Variants in NPAS3 observed in about 807,000 individuals in gnomAD.
NPAS3 encodes the protein neuronal PAS domain-containing protein 3.
A neutral mutation model predicts 73.1 loss-of-function variants in NPAS3; 14 were observed. That is an observed-to-expected ratio of 0.19 (90% confidence interval 0.13 to 0.30). NPAS3 has a LOEUF of 0.30. Ranked by LOEUF, NPAS3 falls within the 10% of genes least tolerant of loss-of-function variation. The probability of loss-of-function intolerance (pLI) is 1.00; values close to 1 mark genes in which losing one functional copy is unlikely to be tolerated. For synonymous variants in NPAS3, 620 were observed against 541.5 expected (o/e 1.14, Z -2.01); for missense variants, 1,096 against 1,250.0 (o/e 0.88, Z 1.86).
At chr14:33,269,592 A>G (rs999674039) in intron 3 of NPAS3, among the ~76,000 whole-genome samples, 8 of 152,186 alleles carry the variant, frequency 5.3e-5, no homozygotes, top group Admixed American at 2.0e-4. Flanking sequence ...TCTTGGCTCA[A>G]ATAATTAGTT....
At chr14:33,639,275 G>C (rs1406240482) in intron 5 of NPAS3, among the ~76,000 whole-genome samples, 1 of 152,100 alleles carries the variant, frequency 6.6e-6, no homozygotes, top group African/African-American at 2.4e-5. Flanking sequence ...ACACACTCCT[G>C]TCTGGATTGG....
At chr14:32,939,659 G>C (rs1595048034) in intron 1 of NPAS3, among the ~76,000 whole-genome samples, 1 of 148,428 alleles carries the variant, frequency 6.7e-6, no homozygotes, top group Admixed American at 6.7e-5. Flanking sequence ...AAACAGAAAA[G>C]AGAAAAAGAA....
intron 1 of NPAS3, among the ~76,000 whole-genome samples, chr14:32,950,341 A>G (rs2036431580): frequency 2.0e-5 from 3 of 152,132 alleles, no homozygotes; most frequent in African/African-American, 2.4e-5. Context: ...CTGAATTACA[A>G]AAGTATAATG....
intron 2 of NPAS3, among the ~76,000 whole-genome samples, chr14:33,153,452 C>G (rs780667535): frequency 2.6e-5 from 4 of 152,090 alleles, no homozygotes; most frequent in Non-Finnish European, 5.9e-5. Flanking sequence ...CTTCCAATTT[C>G]TCATTTGGAG....
chr14:33,006,770 G>A (rs1292082616), intron 1 of NPAS3, among the ~76,000 whole-genome samples: 1 of 152,136 alleles, frequency 6.6e-6, no homozygotes, highest in African/African-American at 2.4e-5. Flanking sequence ...TTCATAATGA[G>A]AAATGTTGAA....
chr14:33,544,789 T>TATATATATATATATATATATAC lies in NPAS3; in HGVS notation c.469-15311_469-15310insCATATATATATATATATATATA, dbSNP rs1555409901. Among the ~76,000 whole-genome samples the TATATATATATATATATATATAC allele has an allele frequency of 1.8e-3, 136 of 77,652 alleles. 2 individuals carry two copies. Among genetic ancestry groups the TATATATATATATATATATATAC allele is most frequent in the African/African-American group, 8.2e-3 (121 of 14,734 alleles). The allele number at this position is 77,652 out of a possible 152,430, so 50.9% of individuals were successfully genotyped here. A position where few individuals can be genotyped will look rare whatever the true frequency, so the allele number is the denominator to read the frequency against. On this transcript the variant is annotated intron_variant, in intron 4 of 11. Coordinates refer to ENST00000356141, the Ensembl canonical transcript of NPAS3. ...CATGTATGTGTTTATGTGTGTGTATTATATATATATATATATATATATGTA... is the reference window on the plus strand; with the variant it reads ...CATGTATGTGTTTATGTGTGTGTATTATATATATATATATATATATACATATATATATATATATATATATGTA...
intron 4 of NPAS3, among the ~76,000 whole-genome samples, chr14:33,549,508 A>G (rs1181695935): frequency 1.3e-5 from 2 of 152,202 alleles, no homozygotes; most frequent in Admixed American, 6.5e-5. Flanking sequence ...TGCTAGGATT[A>G]CAGGCTGAGT....
chr14:33,197,237 C>CTGTGTGTG (rs11268151), intron 2 of NPAS3, among the ~76,000 whole-genome samples: 6,661 of 135,204 alleles, frequency 0.049, 180 homozygotes, highest in African/African-American at 0.067. Context: ...CTCCAGCAGG[C>CTGTGTGTG]TGTGTGTGTG....
intron 6 of NPAS3, among the ~76,000 whole-genome samples, chr14:33,687,483 T>C (rs2060122223): frequency 6.6e-6 from 1 of 152,198 alleles, no homozygotes. Context: ...ATTTAAACTC[T>C]ACTTACTCTC....
chr14:32,996,516 G>A lies in NPAS3; in HGVS notation c.50+57150G>A, dbSNP rs536369508. ...GGAGGAAAAACTGGTTTTGTGAGCC[G>A]GGCCCCGGGTCCCTGTGCTGTGTGC... On this transcript the variant is annotated intron_variant, in intron 1 of 11. Transcript: ENST00000356141. 3.0e-4 allele frequency among the ~76,000 whole-genome samples: 46 copies of A among 152,272 alleles called. 1 individual carries two copies. Among genetic ancestry groups the A allele is most frequent in the African/African-American group, 9.1e-4 (38 of 41,562 alleles).
chr14:33,341,589 G>T (rs1031959641), intron 3 of NPAS3, among the ~76,000 whole-genome samples: 1 of 152,106 alleles, frequency 6.6e-6, no homozygotes, highest in African/African-American at 2.4e-5. Context: ...GGCGATCTGG[G>T]TATAAATGGG....
At chr14:33,020,804 A>G (rs74331163) in intron 1 of NPAS3, among the ~76,000 whole-genome samples, 14,764 of 151,630 alleles carry the variant, frequency 0.097, 1,084 homozygotes, top group East Asian at 0.19. Flanking sequence ...CTTGTGGCCC[A>G]GGCTGGAGTG....
At chr14:33,321,345 A>G (rs2043438187) in intron 3 of NPAS3, among the ~76,000 whole-genome samples, 1 of 152,154 alleles carries the variant, frequency 6.6e-6, no homozygotes, top group African/African-American at 2.4e-5. Flanking sequence ...ATGGGCTGGG[A>G]AACAATGGGA....
At chr14:33,767,066 C>T (rs551119362) in intron 7 of NPAS3, among the ~76,000 whole-genome samples, 1 of 152,350 alleles carries the variant, frequency 6.6e-6, no homozygotes, top group African/African-American at 2.4e-5. Context: ...GAGCCGCCTT[C>T]TCCATGGCGC....
chr14:33,561,585 G>A (rs1315052885), intron 5 of NPAS3, among the ~76,000 whole-genome samples: 1 of 152,166 alleles, frequency 6.6e-6, no homozygotes, highest in Admixed American at 6.5e-5. Context: ...GCCTTTAACA[G>A]ACTTTAAGCC....
intron 1 of NPAS3, among the ~76,000 whole-genome samples, chr14:33,008,453 G>T (rs999732646): frequency 1.3e-5 from 2 of 152,184 alleles, no homozygotes; most frequent in Non-Finnish European, 2.9e-5. Flanking sequence ...ATACCAACTT[G>T]ATAACAGTGA....
intron 2 of NPAS3, among the ~76,000 whole-genome samples, chr14:33,196,456 T>G (rs1302496618): frequency 6.6e-6 from 1 of 152,144 alleles, no homozygotes; most frequent in African/African-American, 2.4e-5. Context: ...CTCTTTTGAG[T>G]AGTAGAGCTT....
intron 4 of NPAS3, among the ~76,000 whole-genome samples, chr14:33,548,646 T>A (rs1247118994): frequency 6.6e-6 from 1 of 152,240 alleles, no homozygotes; most frequent in Non-Finnish European, 1.5e-5. Flanking sequence ...CTCAGGTGTG[T>A]TAGGTGATAA....
chr14:33,682,562 C>CA (rs1234829000), intron 6 of NPAS3, among the ~76,000 whole-genome samples: 3 of 152,130 alleles, frequency 2.0e-5, no homozygotes, highest in Admixed American at 1.3e-4. Flanking sequence ...TCTTTTGCCT[C>CA]AAAAAAGCTA....
Sources: allele counts gnomAD v4.1 joint callset (sites outside exome capture counted in the v4.1 genomes callset), GRCh38; gene constraint gnomAD v4.1.1; transcripts MANE v1.5; gene names NCBI Gene and HGNC (gene_info 2026-07-23, HGNC 2026-07-21).